Variants in RPL23A observed in about 807,000 individuals in gnomAD.
RPL23A encodes the protein large ribosomal subunit protein uL23.
A neutral mutation model predicts 17.6 loss-of-function variants in RPL23A; 2 were observed. The ratio of observed to expected loss-of-function variants is 0.11; its 90% CI spans 0.05 to 0.36. The LOEUF (loss-of-function observed/expected upper bound fraction) is 0.36. Among genes scored for constraint, RPL23A ranks in the 10% least tolerant of loss-of-function variants. The pLI, the probability that RPL23A is intolerant of heterozygous loss-of-function variation, is 1.00. For missense variants in RPL23A, 132 were observed against 194.4 expected, an observed-to-expected ratio of 0.68 and a Z score of 1.91; for synonymous variants, 65 against 74.3, an observed-to-expected ratio of 0.87 and a Z score of 0.65.
Position 28,720,357 on chromosome 17 carries a change from CAT to C in RPL23A, c.25+328_25+329del, listed in dbSNP as rs1406219147. 1.9e-6 allele frequency: 3 copies of C among 1,554,798 alleles called. No individual in the cohort carries two copies. The South Asian group carries it at 3.5e-5, about 18-fold the overall frequency. On this transcript the variant is annotated intron_variant, in intron 1 of 4. Transcript: ENST00000422514. ...AGGAATTAGTGCCCTCAGCTTTAAC[CAT>C]TTTCCTTCTGGTTCATGTTCAACCG...
chr17:28,720,226 G>GA (rs149264208), intron 1 of RPL23A, 196 bp downstream of exon 1: 2 of 1,444,814 alleles, frequency 1.4e-6, no homozygotes, highest in African/African-American at 1.8e-5. Context: ...AGAGGGAGTT[G>GA]GGGGGGGGCA....
At chr17:28,723,809 A>T in intron 4 of RPL23A, 58 bp from the exon 5 acceptor site, 1 of 1,540,102 alleles carries the variant, frequency 6.5e-7, no homozygotes, top group South Asian at 1.1e-5. Context: ...TAAAAATAAC[A>T]TTCCAGCTTA....
intron 2 of RPL23A, chr17:28,721,421 GT>G (rs979989458): frequency 6.4e-6 from 1 of 156,326 alleles, no homozygotes; most frequent in African/African-American, 2.4e-5. Flanking sequence ...TGTGGTCACG[GT>G]TTGAAAACTT....
rs975598689 is a variant in RPL23A, at chr17:28,724,008, C to T, written c.*127C>T. 1.3e-5 allele frequency: 8 copies of T among 638,104 alleles called. No homozygotes were observed. The highest frequency in any genetic ancestry group is 1.3e-5 in the Non-Finnish European group (5 of 376,424). The allele number at this position is 638,104 out of a possible 1,614,324, so 39.5% of individuals were successfully genotyped here. On this transcript the variant is annotated 3_prime_UTR_variant, in exon 5 of 5. Coordinates refer to ENST00000422514, the MANE Select transcript of RPL23A (RefSeq NM_000984.6). ...ACACACTGACATGACAGGGCTTGGG[C>T]AAGACTCCTGTTCTACTTATCCTTT...
intron 4 of RPL23A, 30 bp downstream of exon 4, chr17:28,723,670 G>A (rs747550503): frequency 1.2e-6 from 2 of 1,600,552 alleles, no homozygotes; most frequent in African/African-American, 1.3e-5. Context: ...ACCCCTTAAT[G>A]CTCACCCCTT....
intron 2 of RPL23A, 79 bp from the exon 3 acceptor site, chr17:28,722,644 C>G: frequency 8.7e-7 from 1 of 1,156,016 alleles, no homozygotes; most frequent in Non-Finnish European, 1.3e-6. Context: ...ACCTCGTTGT[C>G]TGATGCACCT....
At position 28,724,313 on chromosome 17, in the gene RPL23A, C is replaced by G; in HGVS notation, c.*432C>G. On this transcript the variant is annotated 3_prime_UTR_variant, in exon 5 of 5. Coordinates refer to ENST00000422514, the MANE Select transcript of RPL23A (RefSeq NM_000984.6). Reference sequence around the variant, plus strand: ...CTACTATGTCCAACCGGTCTGTCTGCTTCCCTCACCCCTTGCCCAATAAAG... The same window carrying G: ...CTACTATGTCCAACCGGTCTGTCTGGTTCCCTCACCCCTTGCCCAATAAAG... 1 of 744,706 alleles carries G rather than the reference C, an allele frequency of 1.3e-6. No individual in the cohort carries two copies. The highest frequency in any genetic ancestry group is 2.2e-6 in the Non-Finnish European group (1 of 449,834). 46.1% of individuals were successfully genotyped at this position (744,706 alleles called of 1,614,324 possible). A position where few individuals can be genotyped will look rare whatever the true frequency, so the allele number is the denominator to read the frequency against.
In RPL23A at chr17:28,722,666, G is replaced by C. The variant is rs2034138027; in HGVS notation, c.210-57G>C. 3 of 1,446,862 alleles carry C rather than the reference G, an allele frequency of 2.1e-6. No individual in the cohort carries two copies. In the South Asian group the frequency reaches 3.4e-5, roughly 17 times the overall value. The allele number at this position is 1,446,862 out of a possible 1,614,324, so 89.6% of individuals were successfully genotyped here. A position where few individuals can be genotyped will look rare whatever the true frequency, so the allele number is the denominator to read the frequency against. ...TGTCTGATGCACCTAGGCTCTCCTGGCTCTGGGCTCCAAAAGAATGGGCCC... is the reference window on the plus strand; with the variant it reads ...TGTCTGATGCACCTAGGCTCTCCTGCCTCTGGGCTCCAAAAGAATGGGCCC... On this transcript the variant is annotated intron_variant, in intron 2 of 4. Transcript: ENST00000422514.
rs1241736801 is a variant in RPL23A, at chr17:28,720,021, A to G, written c.16A>G (p.Lys6Glu). The stretch of plus-strand genomic sequence containing the variant: ...TTTTCACAAGATGGCGCCGAAAGCG[A>G]AGAAGGAAGGTGTGTGTTGGTGATG... MAPKA[K>E]KEAPAPPKAE... The change falls in exon 1 of 5, where the codon AAG becomes GAG. Residue 6 changes from lysine to glutamate, a missense_variant. By Grantham distance (56) the Lys-to-Glu change is moderately conservative (BLOSUM62 1). This residue lies in a region of RPL23A where 63 missense variants were observed against 48.9 expected (regional missense o/e 1.29). Transcript: ENST00000422514. 1 of 1,551,914 alleles carries G rather than the reference A, an allele frequency of 6.4e-7. No homozygotes were observed. Among genetic ancestry groups the G allele is most frequent in the South Asian group, 1.2e-5 (1 of 84,064 alleles).
Position 28,720,898 on chromosome 17 carries a change from C to T in RPL23A, c.209+8C>T. 6.2e-7 allele frequency: 1 copy of T among 1,612,570 alleles called. No homozygotes were observed. The highest frequency in any genetic ancestry group is 8.5e-7 in the Non-Finnish European group (1 of 1,178,704). Reference sequence around the variant, plus strand: ...CGCTCCCAGGAGAAACAAGTCAGTACTGCCCCCTGTACCCATGAAAAGATT... The same window carrying T: ...CGCTCCCAGGAGAAACAAGTCAGTATTGCCCCCTGTACCCATGAAAAGATT... On this transcript the variant is annotated splice_region_variant and intron_variant, in intron 2 of 4. Transcript: ENST00000422514.
rs776545219 is a variant in RPL23A, at chr17:28,722,909, G to T, written c.386+10G>T. The T allele has an allele frequency of 6.2e-7, 1 of 1,612,496 alleles. No homozygotes were observed. Among genetic ancestry groups the T allele is most frequent in the Non-Finnish European group, 8.5e-7 (1 of 1,178,786 alleles). Reference sequence around the variant, plus strand: ...TCAACACCCTGATTCGGTGAGTTGGGCCTCAAGGGATGGGGAGCAGGCTGG... The same window carrying T: ...TCAACACCCTGATTCGGTGAGTTGGTCCTCAAGGGATGGGGAGCAGGCTGG... On this transcript the variant is annotated intron_variant, in intron 3 of 4. Transcript: ENST00000422514.
Position 28,724,264 on chromosome 17 carries a change from A to G in RPL23A, c.*383A>G. ...AGTGTGGATTGGCTGGCTCTCTGGT[A>G]GCATTTTGTCCTCACACACCCATCT... On this transcript the variant is annotated 3_prime_UTR_variant, in exon 5 of 5. Coordinates refer to ENST00000422514, the MANE Select transcript of RPL23A (RefSeq NM_000984.6). 1.8e-6 allele frequency: 1 copy of G among 562,352 alleles called. No homozygotes were observed. The allele number at this position is 562,352 out of a possible 1,614,324, so 34.8% of individuals were successfully genotyped here. A position where few individuals can be genotyped will look rare whatever the true frequency, so the allele number is the denominator to read the frequency against.
intron 3 of RPL23A, 111 bp from the exon 4 acceptor site, chr17:28,723,460 A>G (rs965635097): frequency 4.8e-6 from 4 of 834,574 alleles, no homozygotes; most frequent in Non-Finnish European, 8.5e-6. Flanking sequence ...TTATTGGAAA[A>G]GAATGACATG....
At chr17:28,721,483 C>G (rs1394903591) in intron 2 of RPL23A, 1 of 153,608 alleles carries the variant, frequency 6.5e-6, no homozygotes, top group African/African-American at 2.4e-5. Context: ...CTCATAGCTC[C>G]TACTGCTATC....
At position 28,720,843 on chromosome 17, in the gene RPL23A, C is replaced by T; in HGVS notation, c.162C>T (p.Leu54=). ...TCCGGCGGCCGAAGACACTGCGACT[C>T]CGGAGACAGCCCAAATATCCTCGGA... ...PTFRRPKTLR[L]RRQPKYPRKS... is the part of the protein sequence containing the mutation. The change falls in exon 2 of 5, where the codon CTC becomes CTT. Residue 54 remains leucine (L), a synonymous_variant. Transcript: ENST00000422514. 4 of 1,614,070 alleles carry T rather than the reference C, an allele frequency of 2.5e-6. No homozygotes were observed. The highest frequency in any genetic ancestry group is 2.5e-6 in the Non-Finnish European group (3 of 1,179,924).
At chr17:28,723,010 CTACACGTG>C (rs2034142991) in intron 3 of RPL23A, 111 bp downstream of exon 3, 1 of 785,422 alleles carries the variant, frequency 1.3e-6, no homozygotes, top group African/African-American at 1.7e-5. Context: ...TAATGCAGGA[CTACACGTG>C]TAGTCCGAGC....
chr17:28,720,229 G>GT (rs899667613), intron 1 of RPL23A, 199 bp downstream of exon 1: 22 of 1,539,066 alleles, frequency 1.4e-5, no homozygotes, highest in Non-Finnish European at 1.8e-5. Flanking sequence ...GGGAGTTGGG[G>GT]GGGGGCAACG....
chr17:28,720,434 T>A (rs759339349), intron 1 of RPL23A: 48 of 1,611,024 alleles, frequency 3.0e-5, no homozygotes, highest in Non-Finnish European at 3.6e-5. Context: ...CGATGGGGTA[T>A]GTGTAAAATT....
At chr17:28,721,238 G>A (rs980340776) in intron 2 of RPL23A, 5 of 230,368 alleles carry the variant, frequency 2.2e-5, no homozygotes, top group Non-Finnish European at 4.4e-5. Flanking sequence ...TGTAATCCCA[G>A]CTACTCGCGG....
Sources: gnomAD v4.1 joint callset for allele counts on GRCh38, gnomAD v4.1.1 for gene constraint, gnomAD v4.1.1 regional missense constraint, MANE v1.5 for transcripts, NCBI Gene and HGNC (gene_info 2026-07-23, HGNC 2026-07-21) for gene names.